Variants in CNTN6 observed in about 807,000 individuals in gnomAD.
CNTN6 encodes the protein contactin-6.
CNTN6 carries 137 observed loss-of-function variants against 122.8 expected under a neutral mutation model. The ratio of observed to expected loss-of-function variants is 1.12; its 90% CI spans 0.97 to 1.29. The LOEUF (loss-of-function observed/expected upper bound fraction) is 1.29. Among genes scored for constraint, CNTN6 ranks in the 50% most tolerant of loss-of-function variants. The pLI, the probability that CNTN6 is intolerant of heterozygous loss-of-function variation, is 0.00. For missense variants in CNTN6, 1,634 were observed against 1,223.4 expected (o/e 1.34, Z -5.01); for synonymous variants, 570 against 426.0 (o/e 1.34, Z -4.16).
chr3:1,235,247 G>T (rs1420528203), intron 4 of CNTN6, among the ~76,000 whole-genome samples: 2 of 152,096 alleles, frequency 1.3e-5, no homozygotes, highest in African/African-American at 4.8e-5. Context: ...TATCAAAACT[G>T]GGAGTTTCTG....
intron 12 of CNTN6, among the ~76,000 whole-genome samples, chr3:1,357,160 G>T (rs550589577): frequency 3.0e-4 from 45 of 151,862 alleles, no homozygotes; most frequent in African/African-American, 9.9e-4. Context: ...CTTTTTTCAA[G>T]ATATTTTTAC....
In CNTN6 at chr3:1,220,710, A is replaced by G. The variant is rs2094195789; in HGVS notation, c.79A>G (p.Ile27Val). 2 of 1,611,982 alleles carry G rather than the reference A, an allele frequency of 1.2e-6. No individual in the cohort carries two copies. The highest frequency in any genetic ancestry group is 1.7e-6 in the Non-Finnish European group (2 of 1,179,180). The change falls in exon 3 of 23, where the codon ATT (isoleucine) becomes GTT (valine). Residue 27 changes from isoleucine to valine, a missense_variant. Transcript: ENST00000446702. The stretch of plus-strand genomic sequence containing the variant: ...AGGTGATGGTCTTTTAAGCCGTCCT[A>G]TTTTTACTCAGGAGCCACATGATGT... ...SAGDGLLSRP[I>V]FTQEPHDVIF...
intron 1 of CNTN6, among the ~76,000 whole-genome samples, chr3:1,112,828 A>G (rs2091543521): frequency 6.6e-6 from 1 of 152,182 alleles, no homozygotes; most frequent in Admixed American, 6.5e-5. Context: ...ACTCCCAGGC[A>G]GGTCACATAA....
intron 19 of CNTN6, among the ~76,000 whole-genome samples, chr3:1,384,796 T>C (rs61119774): frequency 0.45 from 60,451 of 133,640 alleles, 14,162 homozygotes; most frequent in African/African-American, 0.64. Context: ...TATATATATA[T>C]ACACACACAC....
intron 4 of CNTN6, among the ~76,000 whole-genome samples, chr3:1,258,767 G>A (rs2094799582): frequency 6.6e-6 from 1 of 151,940 alleles, no homozygotes; most frequent in Non-Finnish European, 1.5e-5. Context: ...TGCTCCATGG[G>A]GACAGCTACC....
At chr3:1,365,347 T>G (rs1708061852) in intron 12 of CNTN6, among the ~76,000 whole-genome samples, 2 of 152,062 alleles carry the variant, frequency 1.3e-5, no homozygotes, top group South Asian at 4.1e-4. Flanking sequence ...TTTCTTATGG[T>G]AACAAATTAT....
intron 20 of CNTN6, among the ~76,000 whole-genome samples, chr3:1,393,538 C>A: frequency 7.4e-6 from 1 of 135,718 alleles, no homozygotes; most frequent in East Asian, 2.3e-4. Context: ...GCACATGTAC[C>A]CTAAAACTTA....
In CNTN6 at chr3:1,214,361, T is replaced by G. The variant is rs537338777; in HGVS notation, c.56-6326T>G. On this transcript the variant is annotated intron_variant, in intron 2 of 22. Transcript: ENST00000446702. Reference sequence around the variant, plus strand: ...TTTGCTCTTGTTGCCCAGGCTGGAGTGCAATGGCGTAATCTCAGCTCACTG... The same window carrying G: ...TTTGCTCTTGTTGCCCAGGCTGGAGGGCAATGGCGTAATCTCAGCTCACTG... Among the ~76,000 whole-genome samples the G allele has an allele frequency of 2.3e-5, 3 of 128,502 alleles. No individual in the cohort carries two copies. In the East Asian group the frequency reaches 8.0e-4, roughly 34 times the overall value. The allele number at this position is 128,502 out of a possible 152,430, so 84.3% of individuals were successfully genotyped here.
intron 1 of CNTN6, among the ~76,000 whole-genome samples, chr3:1,128,765 T>G (rs1159019708): frequency 8.0e-6 from 1 of 124,814 alleles, no homozygotes; most frequent in Non-Finnish European, 1.8e-5. Flanking sequence ...AGCTGTTTGT[T>G]TCTAAAGTTT....
intron 7 of CNTN6, among the ~76,000 whole-genome samples, chr3:1,320,278 C>G (rs1446415740): frequency 6.6e-6 from 1 of 151,672 alleles, no homozygotes; most frequent in Admixed American, 6.6e-5. Context: ...ATTTAGGGCA[C>G]ATTTTCTGAC....
At chr3:1,322,351 C>T (rs1001991252) in intron 8 of CNTN6, among the ~76,000 whole-genome samples, 5 of 151,632 alleles carry the variant, frequency 3.3e-5, no homozygotes, top group African/African-American at 1.2e-4. Context: ...AAAAATCTCT[C>T]GTAAACTTAA....
intron 5 of CNTN6, among the ~76,000 whole-genome samples, chr3:1,288,709 T>C (rs751683190): frequency 7.9e-5 from 12 of 152,380 alleles, no homozygotes; most frequent in Non-Finnish European, 1.2e-4. Flanking sequence ...TCACATGAGA[T>C]ATTTTTCCTC....
At chr3:1,183,802 A>C (rs72619600) in intron 2 of CNTN6, among the ~76,000 whole-genome samples, 15,714 of 152,166 alleles carry the variant, frequency 0.1, 1,086 homozygotes, top group East Asian at 0.24. Flanking sequence ...GTCTGGGCAC[A>C]GCTCATCTGA....
chr3:1,139,502 C>A (rs962810960), intron 1 of CNTN6, among the ~76,000 whole-genome samples: 2 of 152,062 alleles, frequency 1.3e-5, no homozygotes, highest in African/African-American at 4.8e-5. Context: ...TAATCTCTAC[C>A]CACATTTAAT....
At chr3:1,364,637 G>A (rs1207455578) in intron 12 of CNTN6, among the ~76,000 whole-genome samples, 1 of 151,846 alleles carries the variant, frequency 6.6e-6, no homozygotes, top group Non-Finnish European at 1.5e-5. Flanking sequence ...TATTTATTTG[G>A]CCATTGATAT....
intron 2 of CNTN6, among the ~76,000 whole-genome samples, chr3:1,199,834 TG>T (rs2125420497): frequency 6.6e-6 from 1 of 152,280 alleles, no homozygotes; most frequent in East Asian, 1.9e-4. Flanking sequence ...TTTTGGCGTT[TG>T]CAAAAACTTT....
intron 7 of CNTN6, among the ~76,000 whole-genome samples, chr3:1,299,897 T>A (rs1435491563): frequency 6.6e-6 from 1 of 152,196 alleles, no homozygotes; most frequent in African/African-American, 2.4e-5. Context: ...TTAGAATGGA[T>A]AATACATGTT....
chr3:1,238,973 A>G (rs1261555249), intron 4 of CNTN6, among the ~76,000 whole-genome samples: 1 of 152,188 alleles, frequency 6.6e-6, no homozygotes, highest in African/African-American at 2.4e-5. Flanking sequence ...AACTGATATC[A>G]CAGAAATACA....
At position 1,385,566 on chromosome 3, in the gene CNTN6, T is replaced by A. The variant is rs1692753674; in HGVS notation, c.2518-45T>A. 2.0e-6 allele frequency: 3 copies of A among 1,473,734 alleles called. No homozygotes were observed. In the African/African-American group the frequency reaches 4.2e-5, roughly 21 times the overall value. 91.3% of individuals were successfully genotyped at this position (1,473,734 alleles called of 1,614,324 possible). A position where few individuals can be genotyped will look rare whatever the true frequency, so the allele number is the denominator to read the frequency against. ...GTTGTTGGTAAAAAATGATTGATAG[T>A]TATTGGGGAACAATAAATTGCTTGT... On this transcript the variant is annotated intron_variant, in intron 19 of 22. Transcript: ENST00000446702.
Sources: allele counts gnomAD v4.1 joint callset (sites outside exome capture counted in the v4.1 genomes callset), GRCh38; gene constraint gnomAD v4.1.1; transcripts MANE v1.5; gene names NCBI Gene and HGNC (gene_info 2026-07-23, HGNC 2026-07-21).